PDE4D: variants seen among roughly 807,000 people sequenced by gnomAD.
PDE4D encodes phosphodiesterase 4D.
PDE4D carries 24 observed loss-of-function variants against 87.4 expected under a neutral mutation model. That is an observed-to-expected ratio of 0.27 (90% CI 0.20 to 0.39). PDE4D has a LOEUF of 0.39. Among genes scored for constraint, PDE4D ranks in the 10% least tolerant of loss-of-function variants. The pLI is 1.00. For synonymous variants in PDE4D, 384 were observed against 383.2 expected, an observed-to-expected ratio of 1.00 and a Z score of -0.02; for missense variants, 714 against 1,041.0, an observed-to-expected ratio of 0.69 and a Z score of 4.32.
intron 5 of PDE4D, among the ~76,000 whole-genome samples, chr5:59,055,021 C>T (rs1762135029): frequency 6.6e-6 from 1 of 152,156 alleles, no homozygotes; most frequent in African/African-American, 2.4e-5. Flanking sequence ...TGAGTTTTCT[C>T]AGGGTACTAC....
chr5:59,918,710 A>T (rs775379026), intron 3 of PDE4D, among the ~76,000 whole-genome samples: 1 of 152,152 alleles, frequency 6.6e-6, no homozygotes, highest in Non-Finnish European at 1.5e-5. Flanking sequence ...AACCTCTGAT[A>T]TAAGTAACAG....
At chr5:60,091,078 G>T (rs1274332429) in intron 2 of PDE4D, among the ~76,000 whole-genome samples, 1 of 152,168 alleles carries the variant, frequency 6.6e-6, no homozygotes, top group Non-Finnish European at 1.5e-5. Flanking sequence ...TGAATTGGAA[G>T]AACACTGGTC....
chr5:59,707,691 G>C (rs1470628761), intron 1 of PDE4D, among the ~76,000 whole-genome samples: 1 of 152,012 alleles, frequency 6.6e-6, no homozygotes, highest in Non-Finnish European at 1.5e-5. Flanking sequence ...ACAGGCCCCA[G>C]TGTGTGTTGT....
chr5:59,036,174 C>T (rs1343186598), intron 6 of PDE4D, among the ~76,000 whole-genome samples: 2 of 152,286 alleles, frequency 1.3e-5, no homozygotes, highest in African/African-American at 4.8e-5. Context: ...TTTCCTCCTT[C>T]CTAATACCTA....
intron 1 of PDE4D, among the ~76,000 whole-genome samples, chr5:60,385,100 T>G (rs1205275056): frequency 6.6e-6 from 1 of 152,208 alleles, no homozygotes; most frequent in Non-Finnish European, 1.5e-5. Flanking sequence ...CCGCCTTCAT[T>G]GCCACTGTTC....
chr5:60,400,991 C>T (rs1253096330), intron 1 of PDE4D, among the ~76,000 whole-genome samples: 3 of 152,094 alleles, frequency 2.0e-5, no homozygotes, highest in Non-Finnish European at 4.4e-5. Context: ...GGGATAAAGG[C>T]CATCTAAGCT....
chr5:59,380,843 A>G (rs150417785), intron 1 of PDE4D, among the ~76,000 whole-genome samples: 67 of 152,284 alleles, frequency 4.4e-4, no homozygotes, highest in African/African-American at 1.5e-3. Flanking sequence ...GGGGTTGGAA[A>G]ACTACCACAG....
intron 1 of PDE4D, among the ~76,000 whole-genome samples, chr5:59,242,227 T>C (rs1757827297): frequency 6.6e-6 from 1 of 152,106 alleles, no homozygotes; most frequent in Non-Finnish European, 1.5e-5. Flanking sequence ...ATGAATAAAC[T>C]AGGTGAGGGG....
In PDE4D at chr5:60,480,909, T is replaced by C. The variant is rs1583898235; in HGVS notation, c.-90+7033A>G. On this transcript the variant is annotated intron_variant, in intron 1 of 16. Coordinates refer to the PDE4D transcript ENST00000502484. The stretch of plus-strand genomic sequence containing the variant: ...GGATGTCAGATTGAGGATATTTTAC[T>C]CTTTTGGTGTTGTATTTTAAATTGC... 2.0e-5 allele frequency among the ~76,000 whole-genome samples: 3 copies of C among 152,194 alleles called. No homozygotes were observed. The East Asian group carries it at 5.8e-4, about 29-fold the overall frequency.
At chr5:59,766,687 C>T (rs1048043137) in intron 1 of PDE4D, among the ~76,000 whole-genome samples, 6 of 152,262 alleles carry the variant, frequency 3.9e-5, no homozygotes, top group African/African-American at 1.4e-4. Flanking sequence ...TGCCAGCTCT[C>T]CTGCTCTGGC....
intron 1 of PDE4D, among the ~76,000 whole-genome samples, chr5:59,852,113 G>A (rs1486411835): frequency 6.6e-6 from 1 of 152,046 alleles, no homozygotes; most frequent in South Asian, 2.1e-4. Flanking sequence ...GAGACTCTTG[G>A]GAACCACAAT....
At chr5:59,031,605 G>T (rs1757527760) in intron 6 of PDE4D, among the ~76,000 whole-genome samples, 2 of 147,168 alleles carry the variant, frequency 1.4e-5, no homozygotes, top group African/African-American at 2.5e-5. Flanking sequence ...CTACTCAGGA[G>T]GCTGAGGCAG....
At chr5:60,275,923 A>C (rs1190849762) in intron 1 of PDE4D, among the ~76,000 whole-genome samples, 1 of 151,888 alleles carries the variant, frequency 6.6e-6, no homozygotes, top group African/African-American at 2.4e-5. Flanking sequence ...TTAGTTTCTA[A>C]ATGTTTACAG....
At chr5:60,424,105 G>A (rs1743412236) in intron 1 of PDE4D, among the ~76,000 whole-genome samples, 1 of 152,100 alleles carries the variant, frequency 6.6e-6, no homozygotes, top group South Asian at 2.1e-4. Context: ...TTCTACCAGA[G>A]GTACAAAGAG....
At chr5:59,615,361 G>A (rs1829532463) in intron 1 of PDE4D, among the ~76,000 whole-genome samples, 1 of 152,040 alleles carries the variant, frequency 6.6e-6, no homozygotes, top group Non-Finnish European at 1.5e-5. Flanking sequence ...GCCTTAAATG[G>A]CCTCTTAAAC....
At chr5:59,430,363 C>T in intron 1 of PDE4D, 11 of 1,231,280 alleles carry the variant, frequency 8.9e-6, no homozygotes, top group Admixed American at 4.2e-5. Flanking sequence ...ATAAGCGCTT[C>T]GGAATCTAGC....
chr5:59,767,942 C>T (rs950279741), intron 1 of PDE4D, among the ~76,000 whole-genome samples: 8 of 152,166 alleles, frequency 5.3e-5, no homozygotes, highest in Non-Finnish European at 1.2e-4. Context: ...AACGCCACTA[C>T]GTACGTATGG....
intron 1 of PDE4D, among the ~76,000 whole-genome samples, chr5:59,372,803 T>A (rs111702445): frequency 0.025 from 3,855 of 152,196 alleles, 184 homozygotes; most frequent in African/African-American, 0.089. Flanking sequence ...AGCTGTCCCA[T>A]CTCAGCACCC....
chr5:60,348,494 C>A (rs1316643484), intron 1 of PDE4D, among the ~76,000 whole-genome samples: 1 of 151,976 alleles, frequency 6.6e-6, no homozygotes, highest in East Asian at 1.9e-4. Context: ...TAAAAGTATT[C>A]CACACAGTAT....
Sources: gnomAD v4.1 joint callset for allele counts (sites outside exome capture counted in the v4.1 genomes callset) on GRCh38, gnomAD v4.1.1 for gene constraint, MANE v1.5 for transcripts, NCBI Gene and HGNC (gene_info 2026-07-23, HGNC 2026-07-21) for gene names.